Variants in SBF1 observed in about 807,000 individuals in gnomAD.
SBF1 encodes myotubularin-related protein 5.
SBF1 carries 65 observed loss-of-function variants against 215.8 expected under a neutral mutation model. That is an observed-to-expected ratio of 0.30 (90% CI 0.25 to 0.37). The LOEUF is 0.37. SBF1 is among the 10% of genes least tolerant of loss of function. The pLI, the probability that SBF1 is intolerant of heterozygous loss-of-function variation, is 1.00. For synonymous variants in SBF1, 1,410 were observed against 1,122.8 expected, an observed-to-expected ratio of 1.26 and a Z score of -5.11; for missense variants, 2,634 against 2,667.8, an observed-to-expected ratio of 0.99 and a Z score of 0.28.
chr22:50,473,110 T>C (rs1322403183), intron 1 of SBF1, among the ~76,000 whole-genome samples: 1 of 150,368 alleles, frequency 6.7e-6, no homozygotes, highest in Admixed American at 6.6e-5. Flanking sequence ...ACTCTGCCTC[T>C]TCTCTCTGCC....
rs774887232 is a variant in SBF1, at chr22:50,460,721, G to A, written c.2968-9C>T. On this transcript the variant is annotated splice_polypyrimidine_tract_variant and intron_variant, in intron 23 of 40. Transcript: ENST00000380817. ...AAGGCCATTTTCAGCAGCTGTGTCA[G>A]TAAAAGCAGCCCTTAGGGGTGTGGG... is the stretch of plus-strand genomic sequence containing the variant. 40 of 1,611,660 alleles carry A rather than the reference G, an allele frequency of 2.5e-5. No individual in the cohort carries two copies. Among genetic ancestry groups the A allele is most frequent in the Admixed American group, 1.0e-4 (6 of 60,014 alleles).
chr22:50,470,008 G>A (rs968850966), intron 1 of SBF1, among the ~76,000 whole-genome samples: 6 of 152,054 alleles, frequency 3.9e-5, no homozygotes, highest in Non-Finnish European at 7.4e-5. Flanking sequence ...CCCTCCCACC[G>A]ACACCCTGCA....
rs746459050 is a variant in SBF1 at position 50,467,783 on chromosome 22, G to A, written c.279+3C>T. On this transcript the variant is annotated splice_donor_region_variant and intron_variant, in intron 3 of 40. Transcript: ENST00000380817. ...ATGCTGTACCCAGAGGCCCCAAGCT[G>A]ACCTGTGAAGGCTCCGCTGGCTCCC... is the stretch of plus-strand genomic sequence containing the variant. 4.4e-5 allele frequency: 71 copies of A among 1,613,724 alleles called. No homozygotes were observed. The highest frequency in any genetic ancestry group is 5.9e-5 in the Non-Finnish European group (70 of 1,179,966).
intron 28 of SBF1, among the ~76,000 whole-genome samples, chr22:50,457,719 C>T (rs988510583): frequency 6.6e-6 from 1 of 152,236 alleles, no homozygotes; most frequent in Non-Finnish European, 1.5e-5. Context: ...CCTGAAGGCA[C>T]AGGGAGGACT....
Position 50,448,609 on chromosome 22 carries a change from C to T in SBF1, c.5085G>A (p.Glu1695=). 1 of 1,611,976 alleles carries T rather than the reference C, an allele frequency of 6.2e-7. No homozygotes were observed. Among genetic ancestry groups the T allele is most frequent in the South Asian group, 1.1e-5 (1 of 91,086 alleles). ...RLETELGQPA[E]RWKDTWDRVK... is the part of the protein sequence containing the mutation. ...CCCGGTCCCAGGTGTCCTTCCAGCGCTCAGCGGGTTGGCCCAACTCTGTCT... is the reference window on the plus strand; with the variant it reads ...CCCGGTCCCAGGTGTCCTTCCAGCGTTCAGCGGGTTGGCCCAACTCTGTCT... Residue 1695 remains glutamate, a synonymous_variant, in exon 37 of 41, where the codon GAG becomes GAA. Coordinates refer to ENST00000380817, the MANE Select transcript of SBF1 (RefSeq NM_002972.4).
chr22:50,459,766 G>A, intron 26 of SBF1, 100 bp from the exon 27 acceptor site: 1 of 1,383,318 alleles, frequency 7.2e-7, no homozygotes, highest in Non-Finnish European at 9.7e-7. Context: ...GCTCCCAGCA[G>A]GAGGCGCTTC....
chr22:50,451,422 C>A (rs2067043154), intron 36 of SBF1, among the ~76,000 whole-genome samples: 1 of 152,076 alleles, frequency 6.6e-6, no homozygotes, highest in South Asian at 2.1e-4. Flanking sequence ...AACTTGAAGA[C>A]AAGCCAACAG....
chr22:50,463,581 A>AAAACCTCCAGTGGGCCCT (rs1472258848), intron 15 of SBF1, 149 bp from the exon 16 acceptor site: 8 of 863,962 alleles, frequency 9.3e-6, no homozygotes, highest in Non-Finnish European at 1.4e-5. Flanking sequence ...AATAAAGACT[A>AAAACCTCCAGTGGGCCCT]AAACCTCCAG....
Position 50,462,240 on chromosome 22 carries a change from G to T in SBF1, c.2361C>A (p.Asp787Glu), listed in dbSNP as rs762142283. 1 of 1,608,628 alleles carries T rather than the reference G, an allele frequency of 6.2e-7. No homozygotes were observed. Among genetic ancestry groups the T allele is most frequent in the African/African-American group, 1.3e-5 (1 of 74,928 alleles). The change falls in exon 19 of 41, where the codon GAC (aspartate) becomes GAA (glutamate). Residue 787 changes from aspartate to glutamate, a missense_variant. Transcript: ENST00000380817. ...RLLRERAGLG[D>E]LESASNSLVT... Reference sequence around the variant, plus strand: ...CCAGGCTGTTGCTGGCGCTCTCCAGGTCGCCCAGCCCGGCACGCTCCCGAA... The same window carrying T: ...CCAGGCTGTTGCTGGCGCTCTCCAGTTCGCCCAGCCCGGCACGCTCCCGAA...
In SBF1 at chr22:50,454,911, C is replaced by A; in HGVS notation, c.4715G>T (p.Gly1572Val). 7 of 1,614,054 alleles carry A rather than the reference C, an allele frequency of 4.3e-6. No homozygotes were observed. The highest frequency in any genetic ancestry group is 5.9e-6 in the Non-Finnish European group (7 of 1,180,000). The stretch of plus-strand genomic sequence containing the variant: ...CCACACAGACCTGCACGGCACCTGG[C>A]CCCTGCGTTCCCCCTTCTCCTCATA... ...LLYEEKGERR[G>V]QVPCRSVWEY... Residue 1572 changes from glycine to valine, a missense_variant, in exon 35 of 41, where the codon GGC becomes GTC. Physicochemically the swap from Gly to Val is moderately radical, Grantham distance 109. Coordinates refer to ENST00000380817, the MANE Select transcript of SBF1 (RefSeq NM_002972.4).
At position 50,447,162 on chromosome 22, in the gene SBF1, T is replaced by G; in HGVS notation, c.5662A>C (p.Ser1888Arg). The G allele has an allele frequency of 1.2e-6, 2 of 1,612,760 alleles. No individual in the cohort carries two copies. Among genetic ancestry groups the G allele is most frequent in the South Asian group, 2.2e-5 (2 of 91,038 alleles). Residue 1888 changes from serine to arginine, a missense_variant, in exon 41 of 41, where the codon AGC becomes CGC. Coordinates refer to ENST00000380817, the MANE Select transcript of SBF1 (RefSeq NM_002972.4). The part of the protein sequence containing the change: ...SAQQWVDRIQ[S>R]CLSDA Reference sequence around the variant, plus strand: ...GAGGCTCAGGCGTCCGACAGGCAGCTCTGGATCCGGTCCACCCACTGCTGG... The same window carrying G: ...GAGGCTCAGGCGTCCGACAGGCAGCGCTGGATCCGGTCCACCCACTGCTGG...
At chr22:50,470,744 C>A (rs2067967344) in intron 1 of SBF1, among the ~76,000 whole-genome samples, 1 of 152,228 alleles carries the variant, frequency 6.6e-6, no homozygotes, top group Non-Finnish European at 1.5e-5. Context: ...GTCGGCTACA[C>A]AACCATCCTC....
At position 50,468,203 on chromosome 22, in the gene SBF1, G is replaced by A. The variant is rs752228559; in HGVS notation, c.141+173C>T. Among the ~76,000 whole-genome samples the A allele has an allele frequency of 1.1e-3, 175 of 152,318 alleles. 1 individual carries two copies. Among genetic ancestry groups the A allele is most frequent in the Non-Finnish European group, 1.7e-3 (119 of 68,018 alleles). On this transcript the variant is annotated intron_variant, in intron 2 of 40. Coordinates refer to ENST00000380817, the MANE Select transcript of SBF1 (RefSeq NM_002972.4). ...AACATGACACAGTGACATGAGCACC[G>A]CACAGGCCGCCGGCCAAGCCGGTCA...
Position 50,456,200 on chromosome 22 carries a change from G to A in SBF1, c.4266+16C>T, listed in dbSNP as rs371045371. ...CCAGCACCAAGGCGGGCAGAGGGACGGGGCAGTGCAGAGACCTGGATCAGC... is the reference window on the plus strand; with the variant it reads ...CCAGCACCAAGGCGGGCAGAGGGACAGGGCAGTGCAGAGACCTGGATCAGC... On this transcript the variant is annotated intron_variant, in intron 31 of 40. Transcript: ENST00000380817. The A allele has an allele frequency of 9.1e-5, 146 of 1,609,688 alleles. No individual in the cohort carries two copies. Among genetic ancestry groups the A allele is most frequent in the Non-Finnish European group, 1.1e-4 (128 of 1,178,702 alleles).
At chr22:50,467,293 G>C in intron 5 of SBF1, 45 bp downstream of exon 5, 1 of 1,522,000 alleles carries the variant, frequency 6.6e-7, no homozygotes, top group Non-Finnish European at 9.1e-7. Flanking sequence ...GGCCCCAGCA[G>C]GAGGGCCTGT....
chr22:50,453,822 C>G (rs1215159139), intron 36 of SBF1, among the ~76,000 whole-genome samples: 3 of 152,084 alleles, frequency 2.0e-5, no homozygotes, highest in Admixed American at 1.3e-4. Flanking sequence ...TAAGGCCACA[C>G]AGCCAACAGT....
intron 2 of SBF1, 139 bp from the exon 3 acceptor site, chr22:50,468,062 C>T (rs966444762): frequency 6.1e-5 from 67 of 1,101,650 alleles, no homozygotes; most frequent in Non-Finnish European, 8.0e-5. Flanking sequence ...CCTGGGGACA[C>T]GTGGCCTCCT....
chr22:50,447,577 G>T lies in SBF1; in HGVS notation c.5396C>A (p.Ala1799Asp). ...SYEGTLYKKG[A>D]FMKPWKARWF... ...GCGGGCCTTCCAAGGCTTCATGAAG[G>T]CCCCCTTCTTGTACAGAGTGCCCTC... is the stretch of plus-strand genomic sequence containing the variant. Residue 1799 changes from alanine (A) to aspartate (D), a missense_variant, in exon 39 of 41, where the codon GCC (alanine) becomes GAC (aspartate). Transcript: ENST00000380817. The T allele has an allele frequency of 6.2e-7, 1 of 1,612,770 alleles. No homozygotes were observed. Among genetic ancestry groups the T allele is most frequent in the Non-Finnish European group, 8.5e-7 (1 of 1,179,768 alleles).
chr22:50,468,105 A>C (rs1370346326), intron 2 of SBF1, among the ~76,000 whole-genome samples, 182 bp from the exon 3 acceptor site: 1 of 152,192 alleles, frequency 6.6e-6, no homozygotes, highest in East Asian at 1.9e-4. Flanking sequence ...AGGGAGTAAC[A>C]GCCTCTGACC....
Sources: allele counts gnomAD v4.1 joint callset (sites outside exome capture counted in the v4.1 genomes callset), GRCh38; gene constraint gnomAD v4.1.1; transcripts MANE v1.5; gene names NCBI Gene and HGNC (gene_info 2026-07-23, HGNC 2026-07-21).